The following SLC5A7 variants were observed in gnomAD, a reference collection of about 807,000 sequenced individuals.
SLC5A7 encodes high affinity choline transporter 1.
A neutral mutation model predicts 55.4 loss-of-function variants in SLC5A7; 19 were observed. The ratio of observed to expected loss-of-function variants is 0.34; its 90% CI spans 0.24 to 0.50. SLC5A7 has a LOEUF of 0.50. SLC5A7 is among the 20% of genes least tolerant of loss of function. SLC5A7 has a pLI of 0.98. For missense variants in SLC5A7, 506 were observed against 705.3 expected (o/e 0.72, Z 3.20); for synonymous variants, 265 against 263.7 (o/e 1.00, Z -0.05).
rs1573593406 is a variant in SLC5A7, at chr2:107,993,012, T to C, written c.333T>C (p.Tyr111=). 6.2e-7 allele frequency: 1 copy of C among 1,614,240 alleles called. No individual in the cohort carries two copies. The highest frequency in any genetic ancestry group is 2.2e-5 in the East Asian group (1 of 44,882). ...FFAKPMRSKG[Y]VTMLDPFQQI... ...CAAAACCTATGCGTTCAAAGGGGTATGTGACCATGTTAGACCCGTTTCAGC... is the reference window on the plus strand; with the variant it reads ...CAAAACCTATGCGTTCAAAGGGGTACGTGACCATGTTAGACCCGTTTCAGC... The change falls in exon 4 of 9, where the codon TAT becomes TAC. Residue 111 remains tyrosine (Y), a synonymous_variant. Transcript: ENST00000264047.
In SLC5A7 at chr2:108,005,762, C is replaced by T. The variant is rs333222; in HGVS notation, c.742-287C>T. Among the ~76,000 whole-genome samples the T allele has an allele frequency of 0.9, 136,565 of 152,156 alleles. 61,523 individuals carry two copies. The highest frequency in any genetic ancestry group is 0.99 in the East Asian group (5,106 of 5,138). On this transcript the variant is annotated intron_variant, in intron 6 of 8. Coordinates refer to ENST00000264047, the MANE Select transcript of SLC5A7 (RefSeq NM_021815.5). ...GGAAGGAAAAAAACTCCTTTGACTC[C>T]CTTTTATAAGGACTCCACCCTCATG...
Position 108,010,761 on chromosome 2 carries a change from G to A in SLC5A7, c.1643G>A (p.Arg548Gln), listed in dbSNP as rs199864231. Residue 548 changes from arginine to glutamine, a missense_variant, in exon 9 of 9, where the codon CGA becomes CAA. Physicochemically the swap from Arg to Gln is conservative, Grantham distance 43. Around this residue, in one of 4 missense-constraint regions of SLC5A7, gnomAD observed 137 missense variants for 143.6 expected, o/e 0.95. Transcript: ENST00000264047. ...GATGAACTTGCACTTGTGAAGCCACGACAGAGCATGACCCTCAGCTCAACT... is the reference window on the plus strand; with the variant it reads ...GATGAACTTGCACTTGTGAAGCCACAACAGAGCATGACCCTCAGCTCAACT... ...KLDELALVKP[R>Q]QSMTLSSTFT... is the part of the protein sequence containing the mutation. The A allele has an allele frequency of 1.5e-4, 238 of 1,613,602 alleles. No individual in the cohort carries two copies. Among genetic ancestry groups the A allele is most frequent in the Non-Finnish European group, 1.8e-4 (215 of 1,179,848 alleles).
intron 2 of SLC5A7, among the ~76,000 whole-genome samples, chr2:107,989,840 G>C (rs141763084): frequency 0.013 from 1,907 of 152,006 alleles, 19 homozygotes; most frequent in Non-Finnish European, 0.02. Flanking sequence ...GTTTAATATG[G>C]TCATAAAAAT....
At chr2:107,988,720 G>A (rs758510274) in intron 2 of SLC5A7, among the ~76,000 whole-genome samples, 1 of 117,288 alleles carries the variant, frequency 8.5e-6, no homozygotes, top group African/African-American at 2.9e-5. Flanking sequence ...AACGTGTCCG[G>A]TAATACATGC....
Position 107,993,064 on chromosome 2 carries a change from C to A in SLC5A7, c.385C>A (p.Leu129Ile). The A allele has an allele frequency of 6.2e-7, 1 of 1,614,218 alleles. No homozygotes were observed. The highest frequency in any genetic ancestry group is 8.5e-7 in the Non-Finnish European group (1 of 1,180,042). ...QQIYGKRMGG[L>I]LFIPALMGEM... ...AATCTATGGAAAACGCATGGGCGGA[C>A]TCCTGTTTATTCCTGCACTGATGGG... The change falls in exon 4 of 9, where the codon CTC becomes ATC. Residue 129 changes from leucine to isoleucine, a missense_variant. Leu to Ile is a conservative substitution (Grantham distance 5, BLOSUM62 2). This residue lies in a region of SLC5A7 where 309 missense variants were observed against 478.6 expected (regional missense o/e 0.65). Transcript: ENST00000264047.
rs369039168 is a variant in SLC5A7, at chr2:108,006,219, T to G, written c.895+17T>G. Reference sequence around the variant, plus strand: ...CATCAACAGGTAAATCTCTTGCAGCTTCACCACATGTGCCAGTTAGTTTAC... The same window carrying G: ...CATCAACAGGTAAATCTCTTGCAGCGTCACCACATGTGCCAGTTAGTTTAC... On this transcript the variant is annotated intron_variant, in intron 7 of 8. Transcript: ENST00000264047. 5 of 1,613,414 alleles carry G rather than the reference T, an allele frequency of 3.1e-6. No homozygotes were observed. In the East Asian group the frequency reaches 1.1e-4, roughly 36 times the overall value.
At chr2:107,992,884 T>A (rs1268231103) in intron 3 of SLC5A7, 88 bp from the exon 4 acceptor site, 2 of 1,444,514 alleles carry the variant, frequency 1.4e-6, no homozygotes, top group Non-Finnish European at 1.9e-6. Flanking sequence ...TTCTGGAAAA[T>A]GCATTTTCCT....
intron 1 of SLC5A7, among the ~76,000 whole-genome samples, chr2:107,987,294 A>G (rs1476123769): frequency 6.6e-6 from 1 of 152,216 alleles, no homozygotes; most frequent in Non-Finnish European, 1.5e-5. Context: ...TCTGTCTTCT[A>G]AGAGTCTTGA....
rs189872583 is a variant in SLC5A7, at chr2:107,992,768, C to T, written c.293-204C>T. Among the ~76,000 whole-genome samples, 5 of 152,292 alleles carry T rather than the reference C, an allele frequency of 3.3e-5. No individual in the cohort carries two copies. In the East Asian group the frequency reaches 9.7e-4, roughly 29 times the overall value. ...CAACATGATCCACTTATCCTTTGGACACATACAATGGTAAGTGTACTAAAT... is the reference window on the plus strand; with the variant it reads ...CAACATGATCCACTTATCCTTTGGATACATACAATGGTAAGTGTACTAAAT... On this transcript the variant is annotated intron_variant, in intron 3 of 8. Transcript: ENST00000264047.
At chr2:108,000,218 T>C (rs1367574762) in intron 5 of SLC5A7, among the ~76,000 whole-genome samples, 4 of 152,106 alleles carry the variant, frequency 2.6e-5, no homozygotes, top group African/African-American at 7.2e-5. Flanking sequence ...CATCTAAACA[T>C]CTCTTCCTTC....
At chr2:107,994,791 G>C (rs1313207916) in intron 4 of SLC5A7, among the ~76,000 whole-genome samples, 2 of 152,098 alleles carry the variant, frequency 1.3e-5, no homozygotes, top group Non-Finnish European at 2.9e-5. Flanking sequence ...TTAATTTTAA[G>C]AACAAATTAC....
In SLC5A7 at chr2:108,006,050, T is replaced by C; in HGVS notation, c.743T>C (p.Met248Thr). Residue 248 changes from methionine to threonine, a missense_variant and splice_region_variant, in exon 7 of 9, where the codon ATG becomes ACG. Met to Thr is a moderately conservative substitution (Grantham distance 81, BLOSUM62 -1). This residue lies in a region of SLC5A7 where 309 missense variants were observed against 478.6 expected (regional missense o/e 0.65). Transcript: ENST00000264047. ...YSWLDSFLLL[M>T]LGGIPWQAYF... Reference sequence around the variant, plus strand: ...TCCATCCTTGTGTTTCCCGCACAGATGCTGGGTGGAATCCCATGGCAAGCA... The same window carrying C: ...TCCATCCTTGTGTTTCCCGCACAGACGCTGGGTGGAATCCCATGGCAAGCA... 1 of 1,614,090 alleles carries C rather than the reference T, an allele frequency of 6.2e-7. No individual in the cohort carries two copies. The highest frequency in any genetic ancestry group is 8.5e-7 in the Non-Finnish European group (1 of 1,179,960).
In SLC5A7 at chr2:108,001,879, T is replaced by G. The variant is rs892853771; in HGVS notation, c.598-18T>G. On this transcript the variant is annotated intron_variant, in intron 5 of 8. Coordinates refer to ENST00000264047, the MANE Select transcript of SLC5A7 (RefSeq NM_021815.5). ...TGAAAACCATCGCCTAGGGCTCCAG[T>G]GTCACTTTCTGTTGCAGTGGATCAG... is the stretch of plus-strand genomic sequence containing the variant. The G allele has an allele frequency of 2.5e-6, 4 of 1,613,516 alleles. No homozygotes were observed. Among genetic ancestry groups the G allele is most frequent in the Admixed American group, 1.7e-5 (1 of 59,980 alleles).
In SLC5A7 at chr2:108,006,230, T is replaced by C. The variant is rs28509360; in HGVS notation, c.895+28T>C. The C allele has an allele frequency of 2.0e-3, 3,151 of 1,612,200 alleles. 39 individuals carry two copies. In the African/African-American group the frequency reaches 0.032, roughly 16 times the overall value. On this transcript the variant is annotated intron_variant, in intron 7 of 8. Coordinates refer to ENST00000264047, the MANE Select transcript of SLC5A7 (RefSeq NM_021815.5). ...AAATCTCTTGCAGCTTCACCACATG[T>C]GCCAGTTAGTTTACCAATCCCCACC...
In SLC5A7 at chr2:108,010,213, CTG is replaced by C. The variant is rs768167665; in HGVS notation, c.1114-16_1114-15del. On this transcript the variant is annotated splice_polypyrimidine_tract_variant and intron_variant, in intron 8 of 8. Transcript: ENST00000264047. ...CAAGACACTGTGCAAAAAGCTGACA[CTG>C]TGGCAATTTCTTACAGGCTTCGGAC... The C allele has an allele frequency of 1.2e-6, 2 of 1,604,964 alleles. No individual in the cohort carries two copies. Among genetic ancestry groups the C allele is most frequent in the South Asian group, 2.2e-5 (2 of 89,742 alleles).
At position 107,996,855 on chromosome 2, in the gene SLC5A7, A is replaced by G. The variant is rs555224583; in HGVS notation, c.449-983A>G. Among the ~76,000 whole-genome samples, 3 of 152,366 alleles carry G rather than the reference A, an allele frequency of 2.0e-5. No homozygotes were observed. The East Asian group carries it at 5.8e-4, about 29-fold the overall frequency. ...ATTCAAATCTTAGGCTCTTCAGTATACTGGTATCCTAGGAGCAGGACTGGT... is the reference window on the plus strand; with the variant it reads ...ATTCAAATCTTAGGCTCTTCAGTATGCTGGTATCCTAGGAGCAGGACTGGT... On this transcript the variant is annotated intron_variant, in intron 4 of 8. Transcript: ENST00000264047.
intron 4 of SLC5A7, among the ~76,000 whole-genome samples, chr2:107,993,629 T>C (rs1391106797): frequency 6.6e-6 from 1 of 152,238 alleles, no homozygotes; most frequent in East Asian, 1.9e-4. Context: ...TTCCCTCTAA[T>C]AACTGCCATG....
rs148535388 is a variant in SLC5A7, at chr2:108,010,424, G to C, written c.1306G>C (p.Val436Leu). The C allele has an allele frequency of 6.2e-7, 1 of 1,613,898 alleles. No homozygotes were observed. The highest frequency in any genetic ancestry group is 8.5e-7 in the Non-Finnish European group (1 of 1,179,918). The change falls in exon 9 of 9, where the codon GTG becomes CTG. Residue 436 changes from valine (V) to leucine (L), a missense_variant. Coordinates refer to ENST00000264047, the MANE Select transcript of SLC5A7 (RefSeq NM_021815.5). ...TAAGGGAACCAACACCTATGGGGCC[G>C]TGGCAGGTTATGTTTCTGGCCTCTT... ...FVKGTNTYGAVAGYVSGLFLR... is the reference protein window; with the variant it reads ...FVKGTNTYGALAGYVSGLFLR...
intron 4 of SLC5A7, among the ~76,000 whole-genome samples, chr2:107,995,616 T>G (rs1357228659): frequency 2.0e-5 from 3 of 152,078 alleles, no homozygotes; most frequent in Non-Finnish European, 4.4e-5. Flanking sequence ...ATCTTTAAAT[T>G]TACACAAATA....
Sources: allele counts gnomAD v4.1 joint callset (sites outside exome capture counted in the v4.1 genomes callset), GRCh38; gene constraint gnomAD v4.1.1; regional missense constraint gnomAD v4.1.1; transcripts MANE v1.5; gene names NCBI Gene and HGNC (gene_info 2026-07-23, HGNC 2026-07-21).